Variants in UVRAG observed in about 807,000 individuals in gnomAD.
UVRAG encodes the protein UV radiation resistance-associated gene protein.
UVRAG carries 19 observed loss-of-function variants against 78.0 expected under a neutral mutation model. The observed-to-expected ratio is 0.24, with a 90% CI of 0.17 to 0.36. UVRAG has a LOEUF of 0.36. Ranked by LOEUF, UVRAG falls within the 10% of genes least tolerant of loss-of-function variation. The pLI, the probability that UVRAG is intolerant of heterozygous loss-of-function variation, is 1.00. For synonymous variants in UVRAG, 323 were observed against 324.6 expected (o/e 1.00, Z 0.05); for missense variants, 740 against 853.8 (o/e 0.87, Z 1.66).
chr11:75,906,751 G>GT (rs909905296), intron 5 of UVRAG, among the ~76,000 whole-genome samples: 1 of 152,134 alleles, frequency 6.6e-6, no homozygotes, highest in Admixed American at 6.5e-5. Context: ...TGGCTATCCA[G>GT]TTTTTTTAGC....
intron 12 of UVRAG, among the ~76,000 whole-genome samples, chr11:76,019,778 C>T (rs1307610907): frequency 1.3e-5 from 2 of 152,198 alleles, no homozygotes; most frequent in Non-Finnish European, 2.9e-5. Flanking sequence ...TGGTTCAGAC[C>T]TGATGCCAGC....
At chr11:76,065,653 T>C in intron 12 of UVRAG, 57 bp from the exon 13 acceptor site, 1 of 1,531,572 alleles carries the variant, frequency 6.5e-7, no homozygotes, top group Non-Finnish European at 9.0e-7. Flanking sequence ...GTTGACAACT[T>C]GGAGGTTGTA....
intron 6 of UVRAG, among the ~76,000 whole-genome samples, chr11:75,928,069 T>C (rs531018236): frequency 1.4e-4 from 22 of 151,970 alleles, no homozygotes; most frequent in African/African-American, 4.8e-4. Context: ...GCCACTACAC[T>C]CTAGTCTGGC....
At chr11:75,935,081 G>A (rs865886613) in intron 6 of UVRAG, 1 of 152,138 alleles carries the variant, frequency 6.6e-6, no homozygotes, top group South Asian at 2.1e-4. Flanking sequence ...ATGATGTAGG[G>A]CTGTATGATA....
chr11:76,078,864 G>C (rs1951448365), intron 13 of UVRAG, among the ~76,000 whole-genome samples: 1 of 151,876 alleles, frequency 6.6e-6, no homozygotes, highest in Non-Finnish European at 1.5e-5. Flanking sequence ...AGGAGGCGGA[G>C]CTGGCAGTGA....
At chr11:76,004,851 G>A (rs1224163604) in intron 9 of UVRAG, among the ~76,000 whole-genome samples, 1 of 151,972 alleles carries the variant, frequency 6.6e-6, no homozygotes, top group Non-Finnish European at 1.5e-5. Context: ...TAATAAATTG[G>A]CACCTTGCAA....
At chr11:76,038,039 GAAA>G (rs1274221619) in intron 12 of UVRAG, among the ~76,000 whole-genome samples, 1 of 151,814 alleles carries the variant, frequency 6.6e-6, no homozygotes, top group Non-Finnish European at 1.5e-5. Context: ...TCTTTAATTA[GAAA>G]ATTAAAGGCA....
chr11:75,854,145 A>C (rs1298322715), intron 2 of UVRAG, among the ~76,000 whole-genome samples: 1 of 152,064 alleles, frequency 6.6e-6, no homozygotes, highest in Non-Finnish European at 1.5e-5. Flanking sequence ...AAATACCACA[A>C]CTCTTAGTGG....
At chr11:75,901,322 A>G (rs1947493605) in intron 5 of UVRAG, among the ~76,000 whole-genome samples, 2 of 152,208 alleles carry the variant, frequency 1.3e-5, no homozygotes, top group South Asian at 4.1e-4. Context: ...GTTAAGTAGA[A>G]GACGACTATT....
chr11:75,968,368 A>T (rs541975715), intron 7 of UVRAG, among the ~76,000 whole-genome samples: 1 of 152,208 alleles, frequency 6.6e-6, no homozygotes, highest in Non-Finnish European at 1.5e-5. Context: ...TAAATAGAAC[A>T]CTGAAACTCA....
chr11:75,943,805 T>C (rs566887886), intron 6 of UVRAG, among the ~76,000 whole-genome samples: 34 of 152,290 alleles, frequency 2.2e-4, no homozygotes, highest in African/African-American at 7.9e-4. Context: ...AATAGTATTG[T>C]CTTATTTGAT....
chr11:75,880,711 T>C (rs1946922353), intron 4 of UVRAG, among the ~76,000 whole-genome samples: 1 of 151,996 alleles, frequency 6.6e-6, no homozygotes, highest in African/African-American at 2.4e-5. Flanking sequence ...TGTGCCACCA[T>C]GCCCAGCTAA....
intron 9 of UVRAG, among the ~76,000 whole-genome samples, chr11:76,006,685 A>AG (rs1484175729): frequency 5.2e-4 from 77 of 149,362 alleles, no homozygotes; most frequent in African/African-American, 1.6e-3. Context: ...AAAAAAAAAA[A>AG]AGAGAGAGAG....
intron 6 of UVRAG, among the ~76,000 whole-genome samples, chr11:75,960,798 A>C (rs943027861): frequency 1.5e-4 from 23 of 152,284 alleles, no homozygotes; most frequent in Non-Finnish European, 3.1e-4. Context: ...TAAGGAGACC[A>C]AGAAGCAAAA....
chr11:76,058,406 A>T (rs1161633540), intron 12 of UVRAG, among the ~76,000 whole-genome samples: 2 of 151,564 alleles, frequency 1.3e-5, no homozygotes, highest in African/African-American at 4.9e-5. Context: ...GGTAGTGCAC[A>T]CCTGCAGTCC....
At chr11:75,910,539 CT>C (rs935961405) in intron 5 of UVRAG, among the ~76,000 whole-genome samples, 2,485 of 124,010 alleles carry the variant, frequency 0.02, 17 homozygotes, top group Non-Finnish European at 0.026. Context: ...TCCTTTTTAT[CT>C]TTTTTTTTTT....
At chr11:76,031,447 G>T (rs1343822810) in intron 12 of UVRAG, among the ~76,000 whole-genome samples, 1 of 152,206 alleles carries the variant, frequency 6.6e-6, no homozygotes, top group Admixed American at 6.5e-5. Context: ...TTTCATCACT[G>T]ACACTTGGAG....
chr11:76,052,983 A>G (rs937533438), intron 12 of UVRAG, among the ~76,000 whole-genome samples: 1 of 148,946 alleles, frequency 6.7e-6, no homozygotes, highest in East Asian at 1.9e-4. Flanking sequence ...ATAAATATAT[A>G]TAGTTTATAA....
intron 3 of UVRAG, among the ~76,000 whole-genome samples, chr11:75,878,993 T>C (rs757402939): frequency 6.6e-6 from 1 of 152,206 alleles, no homozygotes; most frequent in African/African-American, 2.4e-5. Flanking sequence ...ATGTATTACA[T>C]TGTAGTTCAT....
Sources: allele counts gnomAD v4.1 joint callset (sites outside exome capture counted in the v4.1 genomes callset), GRCh38; gene constraint gnomAD v4.1.1; transcripts MANE v1.5; gene names NCBI Gene and HGNC (gene_info 2026-07-23, HGNC 2026-07-21).